Variants in CATSPERT observed in about 807,000 individuals in gnomAD.
CATSPERT encodes the protein catsper channel auxiliary subunit tau, also known as cation channel sperm-associated targeting subunit tau.
the CATSPERT span, among the ~76,000 whole-genome samples, chr2:201,543,192 T>G: frequency 2.0e-5 from 3 of 152,312 alleles, no homozygotes; most frequent in African/African-American, 7.2e-5. Flanking sequence ...CTAGGCTCTC[T>G]CTTCTATTCT....
chr2:201,604,863 TAG>T, the CATSPERT span, among the ~76,000 whole-genome samples: 1 of 152,018 alleles, frequency 6.6e-6, no homozygotes, highest in African/African-American at 2.4e-5. Flanking sequence ...AAGAAGTTAG[TAG>T]AGAAATAAAA....
chr2:201,536,285 T>C, the CATSPERT span: 1 of 1,611,984 alleles, frequency 6.2e-7, no homozygotes, highest in Non-Finnish European at 8.5e-7. Flanking sequence ...TCAAAGTTGG[T>C]ATAGTCAGGC....
the CATSPERT span, chr2:201,494,563 T>TG: frequency 2.6e-6 from 4 of 1,537,014 alleles, no homozygotes; most frequent in East Asian, 9.8e-5. Flanking sequence ...ATTAGGGTCA[T>TG]GGGCCCAGGT....
At chr2:201,518,410 T>A in the CATSPERT span, among the ~76,000 whole-genome samples, 1 of 152,218 alleles carries the variant, frequency 6.6e-6, no homozygotes, top group Admixed American at 6.5e-5. Context: ...AGACTAAGGC[T>A]TTTGACTTGC....
the CATSPERT span, among the ~76,000 whole-genome samples, chr2:201,593,918 T>C: frequency 1.8e-4 from 28 of 152,168 alleles, no homozygotes; most frequent in African/African-American, 6.5e-4. Flanking sequence ...CTGATGGGTC[T>C]TGACTCTTTA....
At chr2:201,534,140 A>G in the CATSPERT span, among the ~76,000 whole-genome samples, 1 of 152,046 alleles carries the variant, frequency 6.6e-6, no homozygotes, top group South Asian at 2.1e-4. Flanking sequence ...CAGACACATT[A>G]AACCAGATGT....
chr2:201,572,007 T>A, the CATSPERT span: 1 of 1,612,598 alleles, frequency 6.2e-7, no homozygotes, highest in Non-Finnish European at 8.5e-7. Flanking sequence ...AGTAATTTTC[T>A]GAAGAGGTTT....
chr2:201,515,825 G>T, the CATSPERT span, among the ~76,000 whole-genome samples: 1 of 152,168 alleles, frequency 6.6e-6, no homozygotes, highest in African/African-American at 2.4e-5. Context: ...AAATGGCAAG[G>T]ACTCCTCTAC....
At chr2:201,571,831 T>C in the CATSPERT span, 1 of 890,668 alleles carries the variant, frequency 1.1e-6, no homozygotes, top group Non-Finnish European at 1.8e-6. Flanking sequence ...ATCCTGGCCA[T>C]GTCCTGGGGA....
At chr2:201,590,604 A>T in the CATSPERT span, among the ~76,000 whole-genome samples, 1 of 152,188 alleles carries the variant, frequency 6.6e-6, no homozygotes. Context: ...TCCCACCAGC[A>T]GTGTAAAAGT....
the CATSPERT span, among the ~76,000 whole-genome samples, chr2:201,602,693 T>C: frequency 1.3e-5 from 2 of 152,146 alleles, no homozygotes; most frequent in Non-Finnish European, 2.9e-5. Context: ...AAGTCCACTT[T>C]ATTTCCCCTG....
chr2:201,595,312 C>T, the CATSPERT span, among the ~76,000 whole-genome samples: 705 of 151,824 alleles, frequency 4.6e-3, 6 homozygotes, highest in African/African-American at 0.016. Flanking sequence ...CCTCAGCCTC[C>T]CGAGTAGCTG....
chr2:201,584,173 C>G, the CATSPERT span, among the ~76,000 whole-genome samples: 7 of 152,092 alleles, frequency 4.6e-5, no homozygotes, highest in African/African-American at 1.4e-4. Context: ...GTCTTTAGTC[C>G]CAGCTACTCA....
At chr2:201,543,066 A>G in the CATSPERT span, among the ~76,000 whole-genome samples, 1 of 152,186 alleles carries the variant, frequency 6.6e-6, no homozygotes, top group African/African-American at 2.4e-5. Flanking sequence ...ATTCTTTTGC[A>G]TGTGAATATC....
the CATSPERT span, among the ~76,000 whole-genome samples, chr2:201,609,037 A>G: frequency 6.6e-6 from 1 of 152,164 alleles, no homozygotes; most frequent in Non-Finnish European, 1.5e-5. Context: ...AGCTATGGTT[A>G]TATCAGATAA....
the CATSPERT span, among the ~76,000 whole-genome samples, chr2:201,587,249 A>AT: frequency 3.3e-5 from 5 of 152,076 alleles, no homozygotes; most frequent in South Asian, 6.2e-4. Context: ...TTTTGGATAA[A>AT]TTTTTTTAAT....
the CATSPERT span, among the ~76,000 whole-genome samples, chr2:201,617,104 ACT>A: frequency 1.3e-5 from 2 of 152,380 alleles, no homozygotes; most frequent in Admixed American, 6.5e-5. Context: ...GGATAGGAAG[ACT>A]CAATATTGTG....
the CATSPERT span, chr2:201,565,928 A>G: frequency 6.8e-7 from 1 of 1,461,778 alleles, no homozygotes; most frequent in Non-Finnish European, 9.2e-7. Context: ...CACTTCCAAA[A>G]TCAGTGGCAG....
the CATSPERT span, among the ~76,000 whole-genome samples, chr2:201,519,837 C>A: frequency 2.0e-5 from 3 of 152,050 alleles, no homozygotes; most frequent in Non-Finnish European, 4.4e-5. Context: ...CAAGTATAAC[C>A]TTGAATATAA....
Sources: allele counts gnomAD v4.1 joint callset (sites outside exome capture counted in the v4.1 genomes callset), GRCh38; gene constraint gnomAD v4.1.1; transcripts MANE v1.5; gene names NCBI Gene and HGNC (gene_info 2026-07-23, HGNC 2026-07-21).